Variants in UBE3C observed in about 807,000 individuals in gnomAD.
UBE3C encodes ubiquitin-protein ligase E3C.
Under a neutral mutation model 129.4 loss-of-function variants are expected in UBE3C, and 42 were observed. The observed-to-expected ratio is 0.32, with a 90% CI of 0.25 to 0.42. The LOEUF (loss-of-function observed/expected upper bound fraction) is 0.42, where lower values mean the gene tolerates loss of function less well. Ranked by LOEUF, UBE3C falls within the 10% of genes least tolerant of loss-of-function variation. The pLI is 1.00. For synonymous variants in UBE3C, 510 were observed against 492.4 expected (o/e 1.04, Z -0.47); for missense variants, 1,049 against 1,319.1 (o/e 0.80, Z 3.17).
intron 15 of UBE3C, chr7:157,222,749 T>G (rs80309594): frequency 0.033 from 5,059 of 152,604 alleles, 263 homozygotes; most frequent in African/African-American, 0.11. Context: ...TTACGATTTA[T>G]TGTTGGAAAG....
Position 157,267,731 on chromosome 7 carries a change from T to C in UBE3C, c.3228T>C (p.Cys1076=). 6.2e-7 allele frequency: 1 copy of C among 1,610,070 alleles called. No homozygotes were observed. Among genetic ancestry groups the C allele is most frequent in the Non-Finnish European group, 8.5e-7 (1 of 1,178,210 alleles). Reference sequence around the variant, plus strand: ...GTAAACTTCTCTATGCGATTGAATGTGCCGCTGGCTTTGAGCTGAGCTGAA... The same window carrying C: ...GTAAACTTCTCTATGCGATTGAATGCGCCGCTGGCTTTGAGCTGAGCTGAA... ...LRSKLLYAIE[C]AAGFELS is the part of the protein sequence containing the mutation. The change falls in exon 23 of 23, where the codon TGT becomes TGC. Residue 1076 remains cysteine (C), a synonymous_variant. Transcript: ENST00000348165.
rs1435971985 is a variant in UBE3C at position 157,197,541 on chromosome 7, T to C, written c.1332-4180T>C. The stretch of plus-strand genomic sequence containing the variant: ...TTTTTTTTTAATGCTGGAGGTATTG[T>C]CCTTATTAATACGACACATCATCTG... On this transcript the variant is annotated intron_variant, in intron 10 of 22. Coordinates refer to ENST00000348165, the MANE Select transcript of UBE3C (RefSeq NM_014671.3). 9.4e-6 allele frequency: 10 copies of C among 1,064,534 alleles called. No homozygotes were observed. In the Admixed American group the frequency reaches 1.4e-4, roughly 14 times the overall value. The allele number at this position is 1,064,534 out of a possible 1,614,324, so 65.9% of individuals were successfully genotyped here.
At position 157,138,990 on chromosome 7, in the gene UBE3C, GTT is replaced by G. The variant is rs1040472515; in HGVS notation, c.-281_-280del. The G allele has an allele frequency of 3.3e-5, 5 of 153,082 alleles. No individual in the cohort carries two copies. Among genetic ancestry groups the G allele is most frequent in the African/African-American group, 1.2e-4 (5 of 41,428 alleles). The allele number at this position is 153,082 out of a possible 1,614,324, so 9.5% of individuals were successfully genotyped here. ...CGGCAGTTCCAGGTGCAAGCGCCGG[GTT>G]TGCTGCCCGCTGGGCGCCCCTGCAG... On this transcript the variant is annotated 5_prime_UTR_variant, in exon 1 of 23. Coordinates refer to ENST00000348165, the MANE Select transcript of UBE3C (RefSeq NM_014671.3).
intron 10 of UBE3C, chr7:157,192,391 TACGGGG>T (rs1197877428): frequency 5.9e-5 from 41 of 691,736 alleles, no homozygotes; most frequent in Admixed American, 2.0e-4. Flanking sequence ...TAAAAACCCT[TACGGGG>T]AAGACCATCA....
chr7:157,227,956 C>T (rs1191837122), intron 17 of UBE3C, among the ~76,000 whole-genome samples: 1 of 152,166 alleles, frequency 6.6e-6, no homozygotes, highest in Non-Finnish European at 1.5e-5. Context: ...CATGATTAAG[C>T]CATGTGTTAA....
In UBE3C at chr7:157,139,269, C is replaced by T. The variant is rs779785744; in HGVS notation, c.-4C>T. On this transcript the variant is annotated 5_prime_UTR_variant, in exon 1 of 23. Coordinates refer to ENST00000348165, the MANE Select transcript of UBE3C (RefSeq NM_014671.3). ...GCTGCCCGCACATGGGCTAGGCTGC[C>T]AGGATGTTCAGCTTCGAAGGCGACT... is the stretch of plus-strand genomic sequence containing the variant. 3.2e-6 allele frequency: 5 copies of T among 1,572,194 alleles called. No homozygotes were observed. Among genetic ancestry groups the T allele is most frequent in the Non-Finnish European group, 3.4e-6 (4 of 1,166,384 alleles).
intron 14 of UBE3C, among the ~76,000 whole-genome samples, chr7:157,219,355 C>G (rs1795672772): frequency 6.6e-6 from 1 of 152,174 alleles, no homozygotes; most frequent in African/African-American, 2.4e-5. Context: ...GGTGCACACA[C>G]CCACACTTGA....
At chr7:157,140,702 G>A (rs1379304724) in intron 1 of UBE3C, among the ~76,000 whole-genome samples, 1 of 152,110 alleles carries the variant, frequency 6.6e-6, no homozygotes, top group Non-Finnish European at 1.5e-5. Flanking sequence ...AGCGCCGCGC[G>A]GCCTCTGTTG....
Position 157,217,137 on chromosome 7 carries a change from AACATATAGC to A in UBE3C, c.1914+168_1914+176del, listed in dbSNP as rs547329836. ...AACTCTTACGCCAACTTCTTAATGG[AACATATAGC>A]AGTATCATTGACTTAAAATGATATT... On this transcript the variant is annotated intron_variant, in intron 14 of 22. Transcript: ENST00000348165. 7.9e-4 allele frequency: 424 copies of A among 537,240 alleles called. 1 individual carries two copies. The highest frequency in any genetic ancestry group is 7.3e-3 in the African/African-American group (383 of 52,374). The allele number at this position is 537,240 out of a possible 1,614,324, so 33.3% of individuals were successfully genotyped here.
intron 7 of UBE3C, 104 bp from the exon 8 acceptor site, chr7:157,182,004 G>A: frequency 8.3e-7 from 1 of 1,210,350 alleles, no homozygotes; most frequent in Non-Finnish European, 1.1e-6. Context: ...ATTTAGAAGA[G>A]TAGATTATCC....
chr7:157,207,526 A>G lies in UBE3C; in HGVS notation c.1547A>G (p.Asp516Gly). Residue 516 changes from aspartate to glycine, a missense_variant, in exon 12 of 23, where the codon GAT becomes GGT. Asp to Gly is a moderately conservative substitution (Grantham distance 94, BLOSUM62 -1). This residue lies in a region of UBE3C where 314 missense variants were observed against 416.9 expected (regional missense o/e 0.75). Coordinates refer to ENST00000348165, the MANE Select transcript of UBE3C (RefSeq NM_014671.3). ...LFSHSLISIH[D>G]NEFFGDPIEV... ...AGTCATTCACTAATTTCCATACATG[A>G]TAACGAATTCTTCGGTGATCCCATA... 3.1e-6 allele frequency: 5 copies of G among 1,612,798 alleles called. No homozygotes were observed. The highest frequency in any genetic ancestry group is 4.2e-6 in the Non-Finnish European group (5 of 1,179,794).
chr7:157,206,858 A>G (rs1809448499), intron 11 of UBE3C, among the ~76,000 whole-genome samples: 1 of 152,240 alleles, frequency 6.6e-6, no homozygotes, highest in Non-Finnish European at 1.5e-5. Context: ...GCTGGTGAAT[A>G]AAGTGGACAG....
At chr7:157,233,952 G>C (rs534813351) in intron 18 of UBE3C, among the ~76,000 whole-genome samples, 90 of 152,288 alleles carry the variant, frequency 5.9e-4, no homozygotes, top group African/African-American at 2.1e-3. Flanking sequence ...TAATAATGTT[G>C]ACCATCTTTT....
At chr7:157,249,156 G>A (rs552951562) in intron 19 of UBE3C, among the ~76,000 whole-genome samples, 8 of 151,996 alleles carry the variant, frequency 5.3e-5, no homozygotes, top group African/African-American at 1.7e-4. Context: ...TAGTATATTC[G>A]TAGAGGTGTG....
chr7:157,209,661 T>C (rs1434883470), intron 13 of UBE3C, among the ~76,000 whole-genome samples: 3 of 152,248 alleles, frequency 2.0e-5, no homozygotes, highest in Non-Finnish European at 2.9e-5. Context: ...TTGTGTATGA[T>C]ATCAGATAAT....
intron 19 of UBE3C, among the ~76,000 whole-genome samples, chr7:157,250,101 A>C (rs977213933): frequency 2.0e-5 from 3 of 152,214 alleles, no homozygotes; most frequent in African/African-American, 7.2e-5. Context: ...AGGGGCAGGA[A>C]GTGGGGCTAT....
At chr7:157,204,458 A>ACT (rs1809377886) in intron 11 of UBE3C, among the ~76,000 whole-genome samples, 2 of 151,746 alleles carry the variant, frequency 1.3e-5, no homozygotes, top group Non-Finnish European at 2.9e-5. Flanking sequence ...TTGGGTTAGA[A>ACT]ACCCTGGAGA....
chr7:157,201,626 T>G (rs1159276678), intron 10 of UBE3C, 95 bp from the exon 11 acceptor site: 1 of 739,826 alleles, frequency 1.4e-6, no homozygotes, highest in African/African-American at 1.9e-5. Flanking sequence ...ACGTTGATCT[T>G]CAGTGTATCG....
intron 1 of UBE3C, among the ~76,000 whole-genome samples, chr7:157,144,702 G>A (rs545382700): frequency 1.3e-5 from 2 of 151,268 alleles, no homozygotes; most frequent in Non-Finnish European, 2.9e-5. Flanking sequence ...AAAAAAAATA[G>A]ACTTTATTTT....
Sources: allele counts gnomAD v4.1 joint callset (sites outside exome capture counted in the v4.1 genomes callset), GRCh38; gene constraint gnomAD v4.1.1; regional missense constraint gnomAD v4.1.1; transcripts MANE v1.5; gene names NCBI Gene and HGNC (gene_info 2026-07-23, HGNC 2026-07-21).